The following DENND1B variants were observed in gnomAD, a reference collection of about 807,000 sequenced individuals.
DENND1B encodes DENN domain-containing protein 1B.
Under a neutral mutation model 90.1 loss-of-function variants are expected in DENND1B, and 59 were observed. That is an observed-to-expected ratio of 0.65 (90% CI 0.53 to 0.81). DENND1B has a LOEUF of 0.81. Ranked by LOEUF, DENND1B falls within the 40% of genes least tolerant of loss-of-function variation. The pLI, the probability that DENND1B is intolerant of heterozygous loss-of-function variation, is 0.00. For synonymous variants in DENND1B, 337 were observed against 324.6 expected, an observed-to-expected ratio of 1.04 and a Z score of -0.41; for missense variants, 862 against 912.6, an observed-to-expected ratio of 0.94 and a Z score of 0.71.
intron 5 of DENND1B, among the ~76,000 whole-genome samples, chr1:197,668,254 A>G (rs965066267): frequency 2.0e-5 from 3 of 151,942 alleles, no homozygotes; most frequent in Non-Finnish European, 4.4e-5. Flanking sequence ...TTATTCATTT[A>G]TTTATTCAAT....
intron 15 of DENND1B, among the ~76,000 whole-genome samples, chr1:197,569,785 G>A (rs1433654546): frequency 1.3e-5 from 2 of 152,078 alleles, no homozygotes; most frequent in Non-Finnish European, 2.9e-5. Context: ...TTGGGGTAAA[G>A]CAGACAAAAT....
intron 3 of DENND1B, among the ~76,000 whole-genome samples, chr1:197,714,097 C>T (rs941325722): frequency 4.0e-5 from 6 of 149,870 alleles, no homozygotes; most frequent in South Asian, 2.1e-4. Flanking sequence ...CTGCCTCAGC[C>T]TCCCAAGTAG....
At chr1:197,520,539 T>G (rs978209381) in intron 20 of DENND1B, among the ~76,000 whole-genome samples, 1 of 151,904 alleles carries the variant, frequency 6.6e-6, no homozygotes, top group African/African-American at 2.4e-5. Flanking sequence ...ATCGGTAAAT[T>G]CTGAGATCAA....
rs529873843 is a variant in DENND1B at position 197,572,512 on chromosome 1, G to T, written c.1149+10640C>A. 2.0e-5 allele frequency among the ~76,000 whole-genome samples: 3 copies of T among 152,336 alleles called. No homozygotes were observed. In the East Asian group the frequency reaches 5.8e-4, roughly 29 times the overall value. ...GGGAATAGCTGAACAACAGGCAGCAGAAACTTCTGCAGACTTAAACATCCC... is the reference window on the plus strand; with the variant it reads ...GGGAATAGCTGAACAACAGGCAGCATAAACTTCTGCAGACTTAAACATCCC... On this transcript the variant is annotated intron_variant, in intron 15 of 22. Transcript: ENST00000620048.
intron 15 of DENND1B, 128 bp from the exon 16 acceptor site, chr1:197,553,240 T>C (rs1424977066): frequency 2.8e-6 from 2 of 708,066 alleles, no homozygotes. Flanking sequence ...CTTGTATAAA[T>C]TACACATATA....
In DENND1B at chr1:197,507,147, CACATTATTATTATTATT is replaced by C. The variant is rs1475221409; in HGVS notation, c.*3296_*3312del. 1 of 121,834 alleles carries C rather than the reference CACATTATTATTATTATT, an allele frequency of 8.2e-6. No individual in the cohort carries two copies. Among genetic ancestry groups the C allele is most frequent in the Non-Finnish European group, 1.7e-5 (1 of 58,102 alleles). 7.5% of individuals were successfully genotyped at this position (121,834 alleles called of 1,614,324 possible). ...CTCAGCTAATAACTTCCAGGCAAAA[CACATTATTATTATTATT>C]ATTATTATTATTATTATTATTATTA... On this transcript the variant is annotated 3_prime_UTR_variant, in exon 23 of 23. Transcript: ENST00000620048.
chr1:197,749,842 T>C (rs1653234468), intron 2 of DENND1B, among the ~76,000 whole-genome samples: 1 of 151,174 alleles, frequency 6.6e-6, no homozygotes, highest in Non-Finnish European at 1.5e-5. Flanking sequence ...TTTTTTGTTG[T>C]TGTTTGTTTG....
At chr1:197,582,154 T>G (rs1017218692) in intron 15 of DENND1B, among the ~76,000 whole-genome samples, 1 of 152,168 alleles carries the variant, frequency 6.6e-6, no homozygotes, top group African/African-American at 2.4e-5. Context: ...AAAACTTCAC[T>G]TATTGGAAGA....
At chr1:197,576,221 T>C (rs370137682) in intron 15 of DENND1B, among the ~76,000 whole-genome samples, 5 of 152,272 alleles carry the variant, frequency 3.3e-5, no homozygotes, top group South Asian at 2.1e-4. Flanking sequence ...TAGTATGGCA[T>C]AGACAAAACC....
At chr1:197,764,153 T>C (rs1047329916) in intron 2 of DENND1B, among the ~76,000 whole-genome samples, 2 of 152,208 alleles carry the variant, frequency 1.3e-5, no homozygotes, top group African/African-American at 4.8e-5. Context: ...GCTCAGGCTC[T>C]AGTACCATAG....
chr1:197,759,874 T>C (rs1654805037), intron 2 of DENND1B, among the ~76,000 whole-genome samples: 1 of 151,962 alleles, frequency 6.6e-6, no homozygotes, highest in Non-Finnish European at 1.5e-5. Context: ...AGCTTTTAAA[T>C]TTTTAACTCA....
At chr1:197,721,065 A>ATT (rs11371047) in intron 2 of DENND1B, among the ~76,000 whole-genome samples, 31,326 of 98,920 alleles carry the variant, frequency 0.32, 6,169 homozygotes, top group African/African-American at 0.41. Context: ...GAGAAACGGC[A>ATT]TTTTTTTTTT....
At chr1:197,553,442 C>T (rs1402219471) in intron 15 of DENND1B, among the ~76,000 whole-genome samples, 1 of 152,126 alleles carries the variant, frequency 6.6e-6, no homozygotes, top group Admixed American at 6.6e-5. Context: ...ACAATCTCTA[C>T]AGAGGAGTTT....
At chr1:197,781,849 G>A in the DENND1B span, among the ~76,000 whole-genome samples, 3 of 152,110 alleles carry the variant, frequency 2.0e-5, no homozygotes, top group African/African-American at 4.8e-5. Context: ...TCAATGGGTC[G>A]ATGATGATAT....
At position 197,530,551 on chromosome 1, in the gene DENND1B, G is replaced by T. The variant is rs376591510; in HGVS notation, c.1515+9413C>A. Among the ~76,000 whole-genome samples the T allele has an allele frequency of 5.9e-5, 9 of 152,022 alleles. No individual in the cohort carries two copies. The South Asian group carries it at 6.2e-4, about 11-fold the overall frequency. On this transcript the variant is annotated intron_variant, in intron 20 of 22. Coordinates refer to ENST00000620048, the MANE Select transcript of DENND1B (RefSeq NM_001195215.2). ...ATATTTCTATTCAAGTCATAAACTG[G>T]GATCTATGATCATCCCTACTTAGAA...
chr1:197,730,201 C>T (rs1440089803), intron 2 of DENND1B, among the ~76,000 whole-genome samples: 2 of 151,956 alleles, frequency 1.3e-5, no homozygotes, highest in African/African-American at 2.4e-5. Flanking sequence ...TTATATATTA[C>T]ACAAATATAG....
At chr1:197,673,849 T>C (rs1386442323) in intron 4 of DENND1B, among the ~76,000 whole-genome samples, 1 of 152,096 alleles carries the variant, frequency 6.6e-6, no homozygotes, top group Non-Finnish European at 1.5e-5. Context: ...AATTTCTACC[T>C]GAAGAGAGAA....
chr1:197,514,150 T>C (rs1668236122), intron 20 of DENND1B, among the ~76,000 whole-genome samples: 1 of 151,708 alleles, frequency 6.6e-6, no homozygotes, highest in African/African-American at 2.4e-5. Flanking sequence ...AAATCCACTA[T>C]TTCATTAGGG....
intron 20 of DENND1B, among the ~76,000 whole-genome samples, chr1:197,515,269 T>C (rs1432505197): frequency 1.3e-5 from 2 of 151,682 alleles, no homozygotes; most frequent in Non-Finnish European, 3.0e-5. Context: ...ATTAGAAATG[T>C]ATCTGGGGCC....
Sources: allele counts gnomAD v4.1 joint callset (sites outside exome capture counted in the v4.1 genomes callset), GRCh38; gene constraint gnomAD v4.1.1; transcripts MANE v1.5; gene names NCBI Gene and HGNC (gene_info 2026-07-23, HGNC 2026-07-21).